NUBPL: variants seen among roughly 807,000 people sequenced by gnomAD.
The protein encoded by NUBPL is NUBP iron-sulfur cluster assembly factor, mitochondrial.
NUBPL carries 31 observed loss-of-function variants against 45.7 expected under a neutral mutation model. The observed-to-expected ratio is 0.68, with a 90% CI of 0.51 to 0.92. NUBPL has a LOEUF of 0.92. NUBPL is among the 40% of genes least tolerant of loss of function. The pLI is 0.00. For missense variants in NUBPL, 401 were observed against 398.7 expected (o/e 1.01, Z -0.05); for synonymous variants, 144 against 140.9 (o/e 1.02, Z -0.15).
At chr14:31,629,920 A>G (rs983945774) in intron 4 of NUBPL, among the ~76,000 whole-genome samples, 12 of 152,142 alleles carry the variant, frequency 7.9e-5, no homozygotes, top group Admixed American at 2.0e-4. Context: ...TGTGCTATTA[A>G]GATAGCATGG....
At chr14:31,688,004 C>T (rs1394466735) in intron 6 of NUBPL, among the ~76,000 whole-genome samples, 2 of 152,112 alleles carry the variant, frequency 1.3e-5, no homozygotes, top group East Asian at 3.8e-4. Flanking sequence ...TTGCCAAATA[C>T]CTTTTTACTT....
intron 7 of NUBPL, among the ~76,000 whole-genome samples, chr14:31,818,373 C>T (rs975849879): frequency 1.3e-5 from 2 of 152,298 alleles, no homozygotes; most frequent in South Asian, 2.1e-4. Flanking sequence ...AGCACCACAT[C>T]GCACTTACTC....
chr14:31,717,442 C>T (rs1464462688), intron 6 of NUBPL, among the ~76,000 whole-genome samples: 1 of 152,160 alleles, frequency 6.6e-6, no homozygotes, highest in Non-Finnish European at 1.5e-5. Flanking sequence ...CATGCTGCTT[C>T]CTGTGCCTTC....
intron 4 of NUBPL, among the ~76,000 whole-genome samples, chr14:31,665,857 G>A (rs570677549): frequency 6.6e-6 from 1 of 152,142 alleles, no homozygotes. Context: ...ATTACTGTGG[G>A]GGAGTCTAAG....
chr14:31,848,857 G>T (rs1471915751), intron 9 of NUBPL, among the ~76,000 whole-genome samples: 1 of 152,122 alleles, frequency 6.6e-6, no homozygotes, highest in African/African-American at 2.4e-5. Flanking sequence ...TTCCATTTCT[G>T]CAGTAGAAAA....
intron 6 of NUBPL, among the ~76,000 whole-genome samples, chr14:31,760,223 A>C (rs1257552117): frequency 6.6e-6 from 1 of 151,064 alleles, no homozygotes; most frequent in Non-Finnish European, 1.5e-5. Flanking sequence ...GCAGTGGCAC[A>C]GTCATGGCTT....
intron 3 of NUBPL, among the ~76,000 whole-genome samples, chr14:31,583,264 G>A (rs989872326): frequency 1.3e-5 from 2 of 152,166 alleles, no homozygotes; most frequent in African/African-American, 4.8e-5. Flanking sequence ...AACCTCTCTT[G>A]TTTCTCTTGG....
intron 6 of NUBPL, among the ~76,000 whole-genome samples, chr14:31,735,729 G>T (rs985947062): frequency 2.0e-5 from 3 of 152,148 alleles, no homozygotes; most frequent in Non-Finnish European, 4.4e-5. Flanking sequence ...GCGCATGCCT[G>T]TAATCCCAGC....
At chr14:31,850,056 T>G in intron 9 of NUBPL, 63 bp from the exon 10 acceptor site, 25 of 1,177,658 alleles carry the variant, frequency 2.1e-5, no homozygotes, top group Non-Finnish European at 2.8e-5. Context: ...GTTCAAATAG[T>G]GAGATTCAAA....
chr14:31,593,791 A>G (rs1302801207), intron 3 of NUBPL, among the ~76,000 whole-genome samples: 1 of 152,130 alleles, frequency 6.6e-6, no homozygotes, highest in African/African-American at 2.4e-5. Context: ...CCAGGTGGAT[A>G]CTTGGGGGAA....
chr14:31,807,626 A>C (rs1254658037), intron 7 of NUBPL, among the ~76,000 whole-genome samples: 1 of 151,508 alleles, frequency 6.6e-6, no homozygotes, highest in Non-Finnish European at 1.5e-5. Flanking sequence ...CTTTAGTTTA[A>C]TTAGATCCCA....
intron 6 of NUBPL, among the ~76,000 whole-genome samples, chr14:31,719,782 T>A (rs923708069): frequency 2.6e-5 from 4 of 152,228 alleles, no homozygotes; most frequent in Non-Finnish European, 4.4e-5. Context: ...CCACTATTAA[T>A]TTTTTGGCAT....
In NUBPL at chr14:31,758,498, A is replaced by C. The variant is rs147717775; in HGVS notation, c.514-29282A>C. Among the ~76,000 whole-genome samples, 9 of 152,256 alleles carry C rather than the reference A, an allele frequency of 5.9e-5. No individual in the cohort carries two copies. In the East Asian group the frequency reaches 1.7e-3, roughly 29 times the overall value. ...TTAGCATTTATTTTAAAATACCTGC[A>C]TTTTCCGTAATTAATGTCATGTCTT... On this transcript the variant is annotated intron_variant, in intron 6 of 10. Coordinates refer to ENST00000281081, the MANE Select transcript of NUBPL (RefSeq NM_025152.3).
chr14:31,742,910 CTT>C (rs1238225405), intron 6 of NUBPL, among the ~76,000 whole-genome samples: 10 of 151,936 alleles, frequency 6.6e-5, no homozygotes, highest in Non-Finnish European at 1.5e-4. Flanking sequence ...CCTGCCATCT[CTT>C]TTAATTATTT....
intron 7 of NUBPL, among the ~76,000 whole-genome samples, chr14:31,791,680 A>G (rs905888990): frequency 7.2e-5 from 11 of 152,182 alleles, no homozygotes; most frequent in African/African-American, 2.4e-4. Context: ...AGAAGTGCTT[A>G]TGAGACATCT....
intron 6 of NUBPL, among the ~76,000 whole-genome samples, chr14:31,758,261 A>T (rs1488542420): frequency 6.6e-6 from 1 of 152,204 alleles, no homozygotes; most frequent in Non-Finnish European, 1.5e-5. Flanking sequence ...GAGTGAATCA[A>T]TTAAAAGTTC....
intron 6 of NUBPL, among the ~76,000 whole-genome samples, chr14:31,727,442 C>G (rs948051192): frequency 2.6e-5 from 4 of 152,052 alleles, no homozygotes; most frequent in African/African-American, 9.7e-5. Flanking sequence ...TTGTAACTGT[C>G]AAAGACAAAG....
intron 9 of NUBPL, among the ~76,000 whole-genome samples, chr14:31,849,572 T>C (rs926656807): frequency 6.6e-6 from 1 of 152,158 alleles, no homozygotes; most frequent in Non-Finnish European, 1.5e-5. Context: ...TGGTGCTACA[T>C]AGGTTAGTAA....
chr14:31,844,364 G>C (rs1000416107), intron 8 of NUBPL: 5 of 152,096 alleles, frequency 3.3e-5, no homozygotes, highest in Non-Finnish European at 7.4e-5. Context: ...AACATAAATG[G>C]CAGTAAAACT....
Sources: gnomAD v4.1 joint callset for allele counts (sites outside exome capture counted in the v4.1 genomes callset) on GRCh38, gnomAD v4.1.1 for gene constraint, MANE v1.5 for transcripts, NCBI Gene and HGNC (gene_info 2026-07-23, HGNC 2026-07-21) for gene names.